NXPH1: variants seen among roughly 807,000 people sequenced by gnomAD.
The protein encoded by NXPH1 is neurexophilin-1.
A neutral mutation model predicts 23.7 loss-of-function variants in NXPH1; 5 were observed. That is an observed-to-expected ratio of 0.21 (90% CI 0.11 to 0.44). NXPH1 has a LOEUF of 0.44. NXPH1 is among the 20% of genes least tolerant of loss of function. The probability of loss-of-function intolerance (pLI) is 0.99; values close to 1 mark genes in which losing one functional copy is unlikely to be tolerated. For synonymous variants in NXPH1, 144 were observed against 122.2 expected (o/e 1.18, Z -1.18); for missense variants, 324 against 321.6 (o/e 1.01, Z -0.06).
At chr7:8,700,237 G>C (rs1779601432) in intron 2 of NXPH1, among the ~76,000 whole-genome samples, 1 of 152,146 alleles carries the variant, frequency 6.6e-6, no homozygotes, top group South Asian at 2.1e-4. Context: ...TTGTGGAGTA[G>C]TGTTACATAT....
intron 2 of NXPH1, among the ~76,000 whole-genome samples, chr7:8,596,617 A>G (rs969877043): frequency 3.0e-4 from 46 of 152,270 alleles, no homozygotes; most frequent in African/African-American, 1.1e-3. Context: ...AACATTTACT[A>G]TGCTAAAGCT....
chr7:8,444,065 A>G (rs1216481728), intron 2 of NXPH1, among the ~76,000 whole-genome samples: 3 of 152,206 alleles, frequency 2.0e-5, no homozygotes, highest in Non-Finnish European at 4.4e-5. Flanking sequence ...TAAGACGGAT[A>G]GTACCGAGCG....
At chr7:8,693,042 A>C (rs1443841795) in intron 2 of NXPH1, among the ~76,000 whole-genome samples, 1 of 152,226 alleles carries the variant, frequency 6.6e-6, no homozygotes, top group Non-Finnish European at 1.5e-5. Flanking sequence ...AAATAGAAAA[A>C]AGAGGCAAGT....
At chr7:8,733,659 T>G (rs928545989) in intron 2 of NXPH1, among the ~76,000 whole-genome samples, 1 of 152,196 alleles carries the variant, frequency 6.6e-6, no homozygotes, top group Non-Finnish European at 1.5e-5. Flanking sequence ...TAATATGTTT[T>G]TTGGCCACAT....
chr7:8,453,815 T>C (rs931115445), intron 2 of NXPH1, among the ~76,000 whole-genome samples: 1 of 152,156 alleles, frequency 6.6e-6, no homozygotes, highest in South Asian at 2.1e-4. Context: ...TTTTATCCAG[T>C]CTATCATTGA....
At chr7:8,683,707 A>G (rs371871692) in intron 2 of NXPH1, among the ~76,000 whole-genome samples, 9 of 152,256 alleles carry the variant, frequency 5.9e-5, no homozygotes, top group African/African-American at 2.2e-4. Context: ...GGCATTAACT[A>G]CTATTACTTT....
At chr7:8,457,542 G>GTTTTT (rs34212357) in intron 2 of NXPH1, among the ~76,000 whole-genome samples, 1 of 145,762 alleles carries the variant, frequency 6.9e-6, no homozygotes, top group East Asian at 2.0e-4. Context: ...CTAATTCTTA[G>GTTTTT]TTTTTTTTTT....
intron 2 of NXPH1, among the ~76,000 whole-genome samples, chr7:8,559,826 C>G (rs953054819): frequency 2.0e-5 from 3 of 151,706 alleles, no homozygotes; most frequent in South Asian, 2.1e-4. Flanking sequence ...CATGATGTCA[C>G]CAATTTGGAG....
intron 2 of NXPH1, among the ~76,000 whole-genome samples, chr7:8,662,852 G>A (rs144374297): frequency 1.9e-3 from 294 of 152,148 alleles, no homozygotes; most frequent in South Asian, 6.8e-3. Context: ...TTTAAAATAC[G>A]TGTCATTATT....
intron 2 of NXPH1, among the ~76,000 whole-genome samples, chr7:8,546,787 G>T (rs1450736975): frequency 4.6e-5 from 7 of 151,292 alleles, no homozygotes; most frequent in African/African-American, 1.2e-4. Context: ...CTGCTAATTG[G>T]TGCTTAACGT....
At chr7:8,618,316 CTG>C (rs1819790754) in intron 2 of NXPH1, among the ~76,000 whole-genome samples, 1 of 152,252 alleles carries the variant, frequency 6.6e-6, no homozygotes, top group African/African-American at 2.4e-5. Flanking sequence ...ATTCATCTGA[CTG>C]TATTCATACA....
intron 2 of NXPH1, among the ~76,000 whole-genome samples, chr7:8,461,118 G>C (rs1816686885): frequency 6.6e-6 from 1 of 152,202 alleles, no homozygotes; most frequent in African/African-American, 2.4e-5. Flanking sequence ...GAATTGCTTG[G>C]AGAAGATCTC....
chr7:8,575,485 A>C (rs1201864425), intron 2 of NXPH1, among the ~76,000 whole-genome samples: 1 of 152,178 alleles, frequency 6.6e-6, no homozygotes, highest in Non-Finnish European at 1.5e-5. Flanking sequence ...AAAGCATAGA[A>C]ATTCTTTTAA....
chr7:8,661,480 T>C (rs1820672071), intron 2 of NXPH1, among the ~76,000 whole-genome samples: 1 of 152,160 alleles, frequency 6.6e-6, no homozygotes, highest in Non-Finnish European at 1.5e-5. Flanking sequence ...TTTGGGCTTT[T>C]AGCAGCCTGA....
At chr7:8,620,043 A>G (rs1005777239) in intron 2 of NXPH1, among the ~76,000 whole-genome samples, 3 of 152,206 alleles carry the variant, frequency 2.0e-5, no homozygotes, top group African/African-American at 4.8e-5. Flanking sequence ...GTGTTGAGAT[A>G]CTGACTCTCT....
rs1251859623 is a variant in NXPH1, at chr7:8,580,160, T to C, written c.54+144393T>C. Among the ~76,000 whole-genome samples, 3 of 152,172 alleles carry C rather than the reference T, an allele frequency of 2.0e-5. No individual in the cohort carries two copies. In the South Asian group the frequency reaches 6.2e-4, roughly 31 times the overall value. ...CATGTAAGGATATGGACGGGACTTATGACCTTCCATGTAAGAGAACAGAAG... is the reference window on the plus strand; with the variant it reads ...CATGTAAGGATATGGACGGGACTTACGACCTTCCATGTAAGAGAACAGAAG... On this transcript the variant is annotated intron_variant, in intron 2 of 2. Transcript: ENST00000405863.
intron 2 of NXPH1, among the ~76,000 whole-genome samples, chr7:8,622,748 G>A (rs997901009): frequency 2.6e-5 from 4 of 152,124 alleles, no homozygotes; most frequent in South Asian, 2.1e-4. Context: ...TTGTGCAAAC[G>A]CTACACTAAT....
At chr7:8,450,284 C>T (rs1032680243) in intron 2 of NXPH1, among the ~76,000 whole-genome samples, 1 of 152,148 alleles carries the variant, frequency 6.6e-6, no homozygotes, top group Non-Finnish European at 1.5e-5. Context: ...TCCTGCCATG[C>T]TGACAGCTTA....
intron 2 of NXPH1, among the ~76,000 whole-genome samples, chr7:8,580,401 T>G (rs1049078506): frequency 4.6e-5 from 7 of 151,930 alleles, no homozygotes; most frequent in Admixed American, 3.9e-4. Flanking sequence ...AGAAAAAGAT[T>G]AGGAAACCAA....
Sources: allele counts gnomAD v4.1 joint callset (sites outside exome capture counted in the v4.1 genomes callset), GRCh38; gene constraint gnomAD v4.1.1; transcripts MANE v1.5; gene names NCBI Gene and HGNC (gene_info 2026-07-23, HGNC 2026-07-21).